Variants in SEMG1 observed in about 807,000 individuals in gnomAD.
The protein encoded by SEMG1 is semenogelin 1.
In SEMG1, 6 loss-of-function variants were observed where a neutral mutation model predicts 8.8. The observed-to-expected ratio is 0.68, with a 90% confidence interval of 0.37 to 1.35. SEMG1 has a LOEUF of 1.35. Among genes scored for constraint, SEMG1 ranks in the 40% most tolerant of loss-of-function variants. The probability of loss-of-function intolerance (pLI) is 0.02; values close to 1 mark genes in which losing one functional copy is unlikely to be tolerated. For synonymous variants in SEMG1, 221 were observed against 190.3 expected (o/e 1.16, Z -1.33); for missense variants, 580 against 533.6 (o/e 1.09, Z -0.86).
In SEMG1 at chr20:45,207,989, C is replaced by G. The variant is rs565546419; in HGVS notation, c.692C>G (p.Ser231Ter). ...GTGGTTGAAGTGAGAGAGGAACATT[C>G]AAGTAAAGTACAAACCTCACTCTGT... is the stretch of plus-strand genomic sequence containing the variant. ...QNVVEVREEH[S>*]SKVQTSLCPA... is the part of the protein sequence containing the mutation. Residue 231 changes from serine to a stop codon, truncating the protein, a stop_gained, in exon 2 of 3, where the codon TCA (serine) becomes TGA (stop). Transcript: ENST00000372781. LOFTEE classifies it low-confidence loss of function (END_TRUNC). 2.5e-6 allele frequency: 4 copies of G among 1,613,904 alleles called. No homozygotes were observed. The African/African-American group carries it at 5.3e-5, about 22-fold the overall frequency.
chr20:45,207,283 T>C lies in SEMG1; in HGVS notation c.77-91T>C, dbSNP rs1283908514. Reference sequence around the variant, plus strand: ...CAAAGCTTCAGCTTTTCTAGAAATATCAATAATTTGTTGGGGGAAAAGTGG... The same window carrying C: ...CAAAGCTTCAGCTTTTCTAGAAATACCAATAATTTGTTGGGGGAAAAGTGG... On this transcript the variant is annotated intron_variant, in intron 1 of 2. Coordinates refer to ENST00000372781, the MANE Select transcript of SEMG1 (RefSeq NM_003007.5). The C allele has an allele frequency of 3.4e-6, 5 of 1,451,752 alleles. No homozygotes were observed. In the African/African-American group the frequency reaches 5.7e-5, roughly 17 times the overall value. The allele number at this position is 1,451,752 out of a possible 1,614,324, so 89.9% of individuals were successfully genotyped here. A position where few individuals can be genotyped will look rare whatever the true frequency, so the allele number is the denominator to read the frequency against.
chr20:45,207,142 G>T lies in SEMG1; in HGVS notation c.76+13G>T. ...ATGGGACAAAAAGGTGAGTGGAGAG[G>T]GTAAGCCTTGGGGAAAGCTGCTCAG... On this transcript the variant is annotated intron_variant, in intron 1 of 2. Transcript: ENST00000372781. 1.2e-6 allele frequency: 2 copies of T among 1,613,612 alleles called. No individual in the cohort carries two copies. The highest frequency in any genetic ancestry group is 2.2e-5 in the South Asian group (2 of 91,046).
chr20:45,208,758 A>T, intron 2 of SEMG1, 28 bp downstream of exon 2: 1 of 1,014,978 alleles, frequency 9.9e-7, no homozygotes, highest in Non-Finnish European at 1.5e-6. Flanking sequence ...AATAGGGGAG[A>T]TATCTCTCTC....
At chr20:45,209,115 TA>T (rs1983787584) in intron 2 of SEMG1, among the ~76,000 whole-genome samples, 2 of 152,224 alleles carry the variant, frequency 1.3e-5, no homozygotes, top group African/African-American at 4.8e-5. Context: ...CTATATAGTA[TA>T]AAGGATTACA....
At chr20:45,209,383 G>T (rs1983793683) in intron 2 of SEMG1, among the ~76,000 whole-genome samples, 1 of 152,140 alleles carries the variant, frequency 6.6e-6, no homozygotes, top group South Asian at 2.1e-4. Context: ...CCCTGAGAGG[G>T]GTAATGGTGC....
chr20:45,208,226 C>A lies in SEMG1; in HGVS notation c.929C>A (p.Ser310Tyr). 2 of 1,612,546 alleles carry A rather than the reference C, an allele frequency of 1.2e-6. No individual in the cohort carries two copies. The highest frequency in any genetic ancestry group is 1.1e-5 in the South Asian group (1 of 90,874). ...YGENGVQKDV[S>Y]QSSIYSQTEE... The stretch of plus-strand genomic sequence containing the variant: ...GAAAATGGTGTGCAGAAAGATGTAT[C>A]CCAAAGCAGTATTTATAGCCAAACT... Residue 310 changes from serine to tyrosine, a missense_variant, in exon 2 of 3, where the codon TCC becomes TAC. Physicochemically the swap from Ser to Tyr is moderately radical, Grantham distance 144. Coordinates refer to ENST00000372781, the MANE Select transcript of SEMG1 (RefSeq NM_003007.5).
chr20:45,209,129 C>A (rs936849521), intron 2 of SEMG1, among the ~76,000 whole-genome samples: 1 of 152,112 alleles, frequency 6.6e-6, no homozygotes, highest in African/African-American at 2.4e-5. Flanking sequence ...GGATTACAGC[C>A]ATTAATGTTT....
Position 45,207,950 on chromosome 20 carries a change from G to A in SEMG1, c.653G>A (p.Gly218Glu). 1 of 1,613,714 alleles carries A rather than the reference G, an allele frequency of 6.2e-7. No individual in the cohort carries two copies. The highest frequency in any genetic ancestry group is 8.5e-7 in the Non-Finnish European group (1 of 1,179,906). Residue 218 changes from glycine (G) to glutamate (E), a missense_variant, in exon 2 of 3, where the codon GGG (glycine) becomes GAG (glutamate). Physicochemically the swap from Gly to Glu is moderately conservative, Grantham distance 98 (BLOSUM62 -2). Transcript: ENST00000372781. Reference protein sequence around the residue: ...RETKNSHQNKGHYQNVVEVRE... With the variant: ...RETKNSHQNKEHYQNVVEVRE... Reference sequence around the variant, plus strand: ...ACTAAAAATTCTCATCAAAATAAAGGGCATTACCAAAATGTGGTTGAAGTG... The same window carrying A: ...ACTAAAAATTCTCATCAAAATAAAGAGCATTACCAAAATGTGGTTGAAGTG...
intron 1 of SEMG1, 97 bp from the exon 2 acceptor site, chr20:45,207,277 G>A (rs1983711704): frequency 1.4e-6 from 2 of 1,458,268 alleles, no homozygotes; most frequent in East Asian, 2.3e-5. Flanking sequence ...AGCTTTTCTA[G>A]AAATATCAAT....
In SEMG1 at chr20:45,208,663, G is replaced by A. The variant is rs111414968; in HGVS notation, c.1366G>A (p.Asp456Asn). 3.4e-5 allele frequency: 55 copies of A among 1,608,582 alleles called. No individual in the cohort carries two copies. The highest frequency in any genetic ancestry group is 2.4e-4 in the Admixed American group (14 of 59,008). Reference protein sequence around the residue: ...DRHLAQHLNNDRNPLFT With the variant: ...DRHLAQHLNNNRNPLFT ...TCATTTGGCACAACATCTTAACAAC[G>A]ACCGAAACCCATTATTTACATAAAC... Residue 456 changes from aspartate to asparagine, a missense_variant, in exon 2 of 3, where the codon GAC becomes AAC. Physicochemically the swap from Asp to Asn is conservative, Grantham distance 23. Transcript: ENST00000372781.
At position 45,207,524 on chromosome 20, in the gene SEMG1, A is replaced by C; in HGVS notation, c.227A>C (p.His76Pro). The C allele has an allele frequency of 1.2e-6, 2 of 1,613,936 alleles. No individual in the cohort carries two copies. The highest frequency in any genetic ancestry group is 1.7e-6 in the Non-Finnish European group (2 of 1,179,854). ...QYTYHVDAND[H>P]DQSRKSQQYD... The stretch of plus-strand genomic sequence containing the variant: ...ACATATCATGTAGATGCCAATGATC[A>C]TGACCAGTCCCGAAAAAGTCAGCAA... Residue 76 changes from histidine to proline, a missense_variant, in exon 2 of 3, where the codon CAT (histidine) becomes CCT (proline). Coordinates refer to ENST00000372781, the MANE Select transcript of SEMG1 (RefSeq NM_003007.5).
Position 45,207,455 on chromosome 20 carries a change from G to A in SEMG1, c.158G>A (p.Gly53Asp), listed in dbSNP as rs775514285. 3.7e-6 allele frequency: 6 copies of A among 1,613,694 alleles called. No homozygotes were observed. Among genetic ancestry groups the A allele is most frequent in the African/African-American group, 2.7e-5 (2 of 74,854 alleles). The change falls in exon 2 of 3, where the codon GGC (glycine) becomes GAC (aspartate). Residue 53 changes from glycine (G) to aspartate (D), a missense_variant. Gly to Asp is a moderately conservative substitution (Grantham distance 94). Coordinates refer to ENST00000372781, the MANE Select transcript of SEMG1 (RefSeq NM_003007.5). Reference sequence around the variant, plus strand: ...GGCCAGCACTATTCTGGACAAAAAGGCAAGCAACAAACTGAATCCAAAGGC... The same window carrying A: ...GGCCAGCACTATTCTGGACAAAAAGACAAGCAACAAACTGAATCCAAAGGC... ...QKGQHYSGQKGKQQTESKGSF... is the reference protein window; with the variant it reads ...QKGQHYSGQKDKQQTESKGSF...
Position 45,208,544 on chromosome 20 carries a change from A to T in SEMG1, c.1247A>T (p.Asp416Val), listed in dbSNP as rs1274510271. Residue 416 changes from aspartate to valine, a missense_variant, in exon 2 of 3, where the codon GAC becomes GTC. Asp to Val is a radical substitution (Grantham distance 152). Transcript: ENST00000372781. The part of the protein sequence containing the change: ...ESGQSTNREQ[D>V]LLSHEQKGRH... Reference sequence around the variant, plus strand: ...GGCCAATCTACAAATAGAGAACAAGACCTACTCAGTCATGAACAAAAAGGC... The same window carrying T: ...GGCCAATCTACAAATAGAGAACAAGTCCTACTCAGTCATGAACAAAAAGGC... 13 of 1,614,032 alleles carry T rather than the reference A, an allele frequency of 8.1e-6. No individual in the cohort carries two copies. The highest frequency in any genetic ancestry group is 1.1e-5 in the Non-Finnish European group (13 of 1,179,944).
At position 45,208,351 on chromosome 20, in the gene SEMG1, A is replaced by T; in HGVS notation, c.1054A>T (p.Ser352Cys). The change falls in exon 2 of 3, where the codon AGT becomes TGT. Residue 352 changes from serine (S) to cysteine (C), a missense_variant. By Grantham distance (112) the Ser-to-Cys change is moderately radical. Coordinates refer to ENST00000372781, the MANE Select transcript of SEMG1 (RefSeq NM_003007.5). ...KANKISYQSS[S>C]TEERRLHYGE... ...AAATAAAATATCATACCAATCTTCA[A>T]GTACGGAAGAAAGACGACTCCACTA... 1 of 1,611,808 alleles carries T rather than the reference A, an allele frequency of 6.2e-7. No individual in the cohort carries two copies. Among genetic ancestry groups the T allele is most frequent in the Non-Finnish European group, 8.5e-7 (1 of 1,178,730 alleles).
chr20:45,209,305 C>T (rs1427620138), intron 2 of SEMG1, among the ~76,000 whole-genome samples: 1 of 152,138 alleles, frequency 6.6e-6, no homozygotes, highest in Non-Finnish European at 1.5e-5. Context: ...GAAAGGGAGA[C>T]ACAAGAGATG....
Position 45,208,239 on chromosome 20 carries a change from T to G in SEMG1, c.942T>G (p.Ile314Met). 6.2e-7 allele frequency: 1 copy of G among 1,611,902 alleles called. No homozygotes were observed. The highest frequency in any genetic ancestry group is 8.5e-7 in the Non-Finnish European group (1 of 1,179,034). Residue 314 changes from isoleucine to methionine, a missense_variant, in exon 2 of 3, where the codon ATT becomes ATG. Ile to Met is a conservative substitution (Grantham distance 10). Coordinates refer to ENST00000372781, the MANE Select transcript of SEMG1 (RefSeq NM_003007.5). ...GVQKDVSQSSIYSQTEEKAQG... is the reference protein window; with the variant it reads ...GVQKDVSQSSMYSQTEEKAQG... ...AGAAAGATGTATCCCAAAGCAGTAT[T>G]TATAGCCAAACTGAAGAGAAAGCAC...
chr20:45,208,636 C>T lies in SEMG1; in HGVS notation c.1339C>T (p.Arg447Cys), dbSNP rs543744632. ...VIIEQEDDSD[R>C]HLAQHLNNDR... ...TATAGAGCAGGAAGATGACAGTGAT[C>T]GTCATTTGGCACAACATCTTAACAA... Residue 447 changes from arginine (R) to cysteine (C), a missense_variant, in exon 2 of 3, where the codon CGT becomes TGT. Arg to Cys is a radical substitution (Grantham distance 180). Coordinates refer to ENST00000372781, the MANE Select transcript of SEMG1 (RefSeq NM_003007.5). 3.1e-6 allele frequency: 5 copies of T among 1,612,424 alleles called. No individual in the cohort carries two copies. The highest frequency in any genetic ancestry group is 1.1e-5 in the South Asian group (1 of 90,524).
In SEMG1 at chr20:45,207,829, G is replaced by A. The variant is rs770232552; in HGVS notation, c.532G>A (p.Val178Ile). The change falls in exon 2 of 3, where the codon GTC becomes ATC. Residue 178 changes from valine (V) to isoleucine (I), a missense_variant. By Grantham distance (29) the Val-to-Ile change is conservative (BLOSUM62 3). Coordinates refer to ENST00000372781, the MANE Select transcript of SEMG1 (RefSeq NM_003007.5). Reference protein sequence around the residue: ...VHGLSKEQTSVSGAQKGRKQG... With the variant: ...VHGLSKEQTSISGAQKGRKQG... ...TGGACTAAGTAAAGAACAAACTTCC[G>A]TCTCTGGTGCACAAAAAGGTAGAAA... is the stretch of plus-strand genomic sequence containing the variant. 52 of 1,613,580 alleles carry A rather than the reference G, an allele frequency of 3.2e-5. No homozygotes were observed. Among genetic ancestry groups the A allele is most frequent in the Middle Eastern group, 1.6e-4 (1 of 6,082 alleles).
intron 2 of SEMG1, 29 bp downstream of exon 2, chr20:45,208,759 T>G (rs1983778035): frequency 9.9e-7 from 1 of 1,006,406 alleles, no homozygotes; most frequent in Non-Finnish European, 1.5e-6. Flanking sequence ...ATAGGGGAGA[T>G]ATCTCTCTCA....
Sources: gnomAD v4.1 joint callset for allele counts (sites outside exome capture counted in the v4.1 genomes callset) on GRCh38, gnomAD v4.1.1 for gene constraint, MANE v1.5 for transcripts, NCBI Gene and HGNC (gene_info 2026-07-23, HGNC 2026-07-21) for gene names.